MYO3B: variants seen among roughly 807,000 people sequenced by gnomAD.
MYO3B encodes the protein myosin-IIIb.
Under a neutral mutation model 174.6 loss-of-function variants are expected in MYO3B, and 156 were observed. The ratio of observed to expected loss-of-function variants is 0.89; its 90% CI spans 0.78 to 1.02. The LOEUF (loss-of-function observed/expected upper bound fraction) is 1.02. Ranked by LOEUF, MYO3B falls within the 50% of genes least tolerant of loss-of-function variation. The pLI, the probability that MYO3B is intolerant of heterozygous loss-of-function variation, is 0.00. For missense variants in MYO3B, 1,632 were observed against 1,639.4 expected (o/e 1.00, Z 0.08); for synonymous variants, 563 against 569.1 (o/e 0.99, Z 0.15).
chr2:170,345,898 A>G (rs1251935386), intron 8 of MYO3B, among the ~76,000 whole-genome samples: 2 of 151,906 alleles, frequency 1.3e-5, no homozygotes, highest in Non-Finnish European at 2.9e-5. Flanking sequence ...ACCAGCAGCT[A>G]GGAGAGGGAC....
In MYO3B at chr2:170,206,850, T is replaced by C. The variant is rs1351713962; in HGVS notation, c.321+6566T>C. 1.3e-5 allele frequency among the ~76,000 whole-genome samples: 2 copies of C among 152,180 alleles called. No individual in the cohort carries two copies. Among genetic ancestry groups the C allele is most frequent in the African/African-American group, 2.4e-5 (1 of 41,444 alleles). ...CAAAGTCCTTGTGATAATAAAACTG[T>C]ATTTTCTCCCTTTGGTATCTTTGAT... is the stretch of plus-strand genomic sequence containing the variant. On this transcript the variant is annotated intron_variant, in intron 3 of 34. Coordinates refer to ENST00000408978, the MANE Select transcript of MYO3B (RefSeq NM_138995.5). The surrounding 1 kb of genome is among the most constrained non-coding windows in gnomAD (Gnocchi z 4.3).
intron 22 of MYO3B, among the ~76,000 whole-genome samples, chr2:170,438,256 A>T (rs1375915380): frequency 6.6e-6 from 1 of 151,592 alleles, no homozygotes; most frequent in Non-Finnish European, 1.5e-5. Context: ...GTATGGCAGG[A>T]TTTCCTTGTT....
chr2:170,636,869 T>C (rs1389045418), intron 32 of MYO3B, among the ~76,000 whole-genome samples: 1 of 116,198 alleles, frequency 8.6e-6, no homozygotes, highest in Non-Finnish European at 1.9e-5. Flanking sequence ...CCTCCTGGAA[T>C]ATGTTCATTT....
intron 3 of MYO3B, among the ~76,000 whole-genome samples, chr2:170,202,087 G>A (rs948232973): frequency 6.6e-6 from 1 of 152,112 alleles, no homozygotes; most frequent in African/African-American, 2.4e-5. Context: ...CTCAGACATG[G>A]CAACTCAGGT....
intron 29 of MYO3B, among the ~76,000 whole-genome samples, chr2:170,518,920 C>A (rs982900480): frequency 1.3e-5 from 2 of 152,208 alleles, no homozygotes; most frequent in African/African-American, 4.8e-5. Context: ...GTATTTGTTA[C>A]CCTCATTGTT....
chr2:170,526,510 A>G (rs1309544281), intron 30 of MYO3B, among the ~76,000 whole-genome samples: 1 of 152,174 alleles, frequency 6.6e-6, no homozygotes, highest in Non-Finnish European at 1.5e-5. Context: ...TTTAGAGACA[A>G]ATTTTATTTT....
intron 22 of MYO3B, chr2:170,411,648 A>C (rs1371164610): frequency 2.0e-5 from 3 of 152,226 alleles, no homozygotes; most frequent in Non-Finnish European, 4.4e-5. Context: ...TATATGTGCA[A>C]TCATAATATA....
chr2:170,297,925 G>A (rs2105435788), intron 7 of MYO3B, among the ~76,000 whole-genome samples: 1 of 152,194 alleles, frequency 6.6e-6, no homozygotes, highest in East Asian at 1.9e-4. Context: ...GCCATCATGA[G>A]ACCAAAGACA....
chr2:170,229,829 A>C (rs1332123390), intron 6 of MYO3B, among the ~76,000 whole-genome samples: 1 of 152,204 alleles, frequency 6.6e-6, no homozygotes, highest in East Asian at 1.9e-4. Context: ...TCAGGTTCTT[A>C]TACACCAAGT....
At chr2:170,356,934 C>T (rs116142322) in intron 8 of MYO3B, among the ~76,000 whole-genome samples, 2,426 of 151,928 alleles carry the variant, frequency 0.016, 70 homozygotes, top group African/African-American at 0.054. Context: ...TGCACCACCA[C>T]GGCCCCCTGA....
intron 32 of MYO3B, among the ~76,000 whole-genome samples, chr2:170,566,272 G>A (rs1254216488): frequency 1.3e-5 from 2 of 152,166 alleles, no homozygotes; most frequent in African/African-American, 2.4e-5. Context: ...AAAGGATGAA[G>A]TAATGCTGCT....
intron 8 of MYO3B, among the ~76,000 whole-genome samples, chr2:170,354,380 G>C (rs983896221): frequency 5.3e-5 from 8 of 152,176 alleles, no homozygotes; most frequent in Non-Finnish European, 8.8e-5. Context: ...CTGATTTGCT[G>C]CTATGAGTAT....
intron 30 of MYO3B, among the ~76,000 whole-genome samples, chr2:170,539,122 T>C (rs183635675): frequency 6.6e-6 from 1 of 152,342 alleles, no homozygotes; most frequent in Non-Finnish European, 1.5e-5. Context: ...CAAGTTGTTA[T>C]TTCATCTACA....
chr2:170,316,612 A>G (rs2093777480), intron 7 of MYO3B, among the ~76,000 whole-genome samples: 1 of 152,178 alleles, frequency 6.6e-6, no homozygotes, highest in African/African-American at 2.4e-5. Flanking sequence ...GTACTTCCTG[A>G]TGTGTGAACA....
rs183653897 is a variant in MYO3B, at chr2:170,453,160, C to T, written c.2730+9114C>T. ...ATAAAACAACATGAGAAACTTCATC[C>T]GGTATTGGTTTCAGGGGCCTGCAGC... On this transcript the variant is annotated intron_variant, in intron 23 of 34. Transcript: ENST00000408978. Among the ~76,000 whole-genome samples, 8 of 152,110 alleles carry T rather than the reference C, an allele frequency of 5.3e-5. No homozygotes were observed. The East Asian group carries it at 9.7e-4, about 18-fold the overall frequency.
intron 32 of MYO3B, among the ~76,000 whole-genome samples, chr2:170,595,832 A>G (rs555368668): frequency 8.6e-5 from 13 of 151,280 alleles, no homozygotes; most frequent in Admixed American, 7.9e-4. Context: ...TCTCACTGTT[A>G]TTCCAACCAA....
intron 16 of MYO3B, among the ~76,000 whole-genome samples, chr2:170,398,359 T>C (rs1216919053): frequency 2.6e-5 from 4 of 151,926 alleles, no homozygotes; most frequent in Non-Finnish European, 5.9e-5. Context: ...CCAGCACCCA[T>C]GTGTTCACCA....
chr2:170,442,659 C>G lies in MYO3B; in HGVS notation c.2651-1308C>G, dbSNP rs184808920. On this transcript the variant is annotated intron_variant, in intron 22 of 34. Coordinates refer to ENST00000408978, the MANE Select transcript of MYO3B (RefSeq NM_138995.5). ...TAATGCTATCCCTCCCCACTCCCCC[C>G]ACTCCCCGACAGGTCCTGGTGTGTG... Among the ~76,000 whole-genome samples, 115 of 152,246 alleles carry G rather than the reference C, an allele frequency of 7.6e-4. No homozygotes were observed. In the East Asian group the frequency reaches 0.016, roughly 21 times the overall value.
At chr2:170,536,717 A>G (rs2106186718) in intron 30 of MYO3B, among the ~76,000 whole-genome samples, 1 of 152,316 alleles carries the variant, frequency 6.6e-6, no homozygotes, top group Non-Finnish European at 1.5e-5. Flanking sequence ...TAAGCAAAGT[A>G]TCTCTTCTCT....
Sources: gnomAD v4.1 joint callset for allele counts (sites outside exome capture counted in the v4.1 genomes callset) on GRCh38, gnomAD v4.1.1 for gene constraint, Gnocchi (gnomAD v3.1) non-coding constraint, MANE v1.5 for transcripts, NCBI Gene and HGNC (gene_info 2026-07-23, HGNC 2026-07-21) for gene names.